Variants in TRIO observed in about 807,000 individuals in gnomAD.
The protein encoded by TRIO is triple functional domain protein.
A neutral mutation model predicts 351.9 loss-of-function variants in TRIO; 58 were observed. That is an observed-to-expected ratio of 0.16 (90% CI 0.13 to 0.21). The LOEUF (loss-of-function observed/expected upper bound fraction) is 0.21, where lower values mean the gene tolerates loss of function less well. Among genes scored for constraint, TRIO ranks in the 10% least tolerant of loss-of-function variants. The probability of loss-of-function intolerance (pLI) is 1.00; values close to 1 mark genes in which losing one functional copy is unlikely to be tolerated. For missense variants in TRIO, 3,201 were observed against 4,027.8 expected (o/e 0.79, Z 5.56); for synonymous variants, 1,758 against 1,595.7 (o/e 1.10, Z -2.42).
At chr5:14,465,489 C>A in intron 36 of TRIO, 56 bp from the exon 37 acceptor site, 1 of 1,547,566 alleles carries the variant, frequency 6.5e-7, no homozygotes, top group South Asian at 1.1e-5. Flanking sequence ...ACTGTCTGAC[C>A]AGTTACTAAT....
intron 1 of TRIO, among the ~76,000 whole-genome samples, chr5:14,207,501 T>G (rs2152186394): frequency 4.3e-5 from 2 of 46,218 alleles, no homozygotes; most frequent in African/African-American, 1.6e-4. Flanking sequence ...CACAGCCAGG[T>G]AGCATAGCAA....
intron 1 of TRIO, among the ~76,000 whole-genome samples, chr5:14,227,636 TA>T (rs1793133456): frequency 6.6e-6 from 1 of 152,206 alleles, no homozygotes; most frequent in Non-Finnish European, 1.5e-5. Context: ...GACGTGAGTT[TA>T]GGAGACACAT....
intron 5 of TRIO, 79 bp from the exon 6 acceptor site, chr5:14,292,933 G>T: frequency 6.3e-7 from 1 of 1,590,966 alleles, no homozygotes; most frequent in South Asian, 1.1e-5. Context: ...GCCCTTTCTT[G>T]GTACTGCCCC....
chr5:14,374,467 A>T, intron 19 of TRIO, 124 bp downstream of exon 19: 1 of 594,998 alleles, frequency 1.7e-6, no homozygotes, highest in South Asian at 2.4e-5. Flanking sequence ...TTTCATGTTA[A>T]TGAAGTCCTT....
intron 1 of TRIO, among the ~76,000 whole-genome samples, chr5:14,227,085 T>C (rs1050805095): frequency 6.6e-6 from 1 of 152,186 alleles, no homozygotes; most frequent in Non-Finnish European, 1.5e-5. Context: ...GGGGAAAACA[T>C]GCGGAAATAG....
chr5:14,227,400 G>A (rs1793117430), intron 1 of TRIO, among the ~76,000 whole-genome samples: 1 of 152,218 alleles, frequency 6.6e-6, no homozygotes, highest in Admixed American at 6.5e-5. Context: ...TGGGTAGCTT[G>A]TTGGTTACAG....
At chr5:14,153,671 CCT>C in intron 1 of TRIO, among the ~76,000 whole-genome samples, 1 of 152,126 alleles carries the variant, frequency 6.6e-6, no homozygotes, top group Non-Finnish European at 1.5e-5. Flanking sequence ...GGGCAAGCGA[CCT>C]GCTTGCCCCA....
chr5:14,433,882 G>A (rs565220247), intron 34 of TRIO, among the ~76,000 whole-genome samples: 2 of 152,178 alleles, frequency 1.3e-5, no homozygotes, highest in South Asian at 2.1e-4. Flanking sequence ...ATAAATATAT[G>A]TTTACTCAAA....
intron 40 of TRIO, among the ~76,000 whole-genome samples, chr5:14,475,620 G>A (rs1410793948): frequency 6.6e-6 from 1 of 152,184 alleles, no homozygotes; most frequent in African/African-American, 2.4e-5. Context: ...TAAATGATCG[G>A]TAAACTTTAG....
chr5:14,410,303 C>T (rs6894866), intron 33 of TRIO, among the ~76,000 whole-genome samples: 7 of 152,028 alleles, frequency 4.6e-5, no homozygotes, highest in South Asian at 4.1e-4. Context: ...GCTTATGTGA[C>T]GTTTTCTCTT....
At position 14,176,338 on chromosome 5, in the gene TRIO, C is replaced by T. The variant is rs187544532; in HGVS notation, c.157+32456C>T. On this transcript the variant is annotated intron_variant, in intron 1 of 56. Transcript: ENST00000344204. ...TAAAAAAATTAGCCGGACATGGTGG[C>T]GGGCGCCTGTAGTCCCAGCTACTCA... Among the ~76,000 whole-genome samples, 466 of 152,226 alleles carry T rather than the reference C, an allele frequency of 3.1e-3. 3 individuals are homozygous for T. The highest frequency in any genetic ancestry group is 0.011 in the African/African-American group (448 of 41,528).
At chr5:14,212,389 C>G (rs543401181) in intron 1 of TRIO, among the ~76,000 whole-genome samples, 1 of 152,276 alleles carries the variant, frequency 6.6e-6, no homozygotes, top group Admixed American at 6.5e-5. Flanking sequence ...CCTCTGGAAC[C>G]TTCGGGGAAC....
chr5:14,211,464 A>C (rs1477614186), intron 1 of TRIO, among the ~76,000 whole-genome samples: 2 of 152,206 alleles, frequency 1.3e-5, no homozygotes, highest in Non-Finnish European at 2.9e-5. Context: ...AACCTATAAT[A>C]AAACATACAA....
At chr5:14,241,799 T>G (rs1794143837) in intron 1 of TRIO, among the ~76,000 whole-genome samples, 1 of 152,224 alleles carries the variant, frequency 6.6e-6, no homozygotes, top group African/African-American at 2.4e-5. Context: ...CATGTTAGGA[T>G]ATACCAGTTA....
chr5:14,401,903 C>T (rs996081356), intron 31 of TRIO, among the ~76,000 whole-genome samples: 1 of 152,070 alleles, frequency 6.6e-6, no homozygotes, highest in Non-Finnish European at 1.5e-5. Context: ...GCATGTCACC[C>T]CTTGTGTCTC....
intron 1 of TRIO, among the ~76,000 whole-genome samples, chr5:14,267,601 C>T (rs1008543893): frequency 3.1e-4 from 47 of 152,178 alleles, no homozygotes; most frequent in Admixed American, 3.1e-3. Flanking sequence ...TATAGTTCCA[C>T]ACTGTTTTCC....
chr5:14,144,117 A>G (rs1229212597), intron 1 of TRIO, among the ~76,000 whole-genome samples: 1 of 151,508 alleles, frequency 6.6e-6, no homozygotes, highest in Non-Finnish European at 1.5e-5. Context: ...GAATGCCACC[A>G]CCTCGCCCTC....
chr5:14,161,455 T>G (rs1047491159), intron 1 of TRIO, among the ~76,000 whole-genome samples: 3 of 152,142 alleles, frequency 2.0e-5, no homozygotes, highest in Non-Finnish European at 4.4e-5. Context: ...GCATGACACT[T>G]TGTGAGAACT....
rs566981586 is a variant in TRIO, at chr5:14,296,804, T to G, written c.1177-268T>G. On this transcript the variant is annotated intron_variant, in intron 6 of 56. Transcript: ENST00000344204. ...ATTTGTGTGCACCCACTTGTGTATTTGATTGCTTTGTGCTGAACAATTATG... is the reference window on the plus strand; with the variant it reads ...ATTTGTGTGCACCCACTTGTGTATTGGATTGCTTTGTGCTGAACAATTATG... Among the ~76,000 whole-genome samples the G allele has an allele frequency of 2.0e-5, 3 of 152,376 alleles. No homozygotes were observed. In the East Asian group the frequency reaches 5.8e-4, roughly 29 times the overall value.
Sources: allele counts gnomAD v4.1 joint callset (sites outside exome capture counted in the v4.1 genomes callset), GRCh38; gene constraint gnomAD v4.1.1; transcripts MANE v1.5; gene names NCBI Gene and HGNC (gene_info 2026-07-23, HGNC 2026-07-21).